The following EP400 variants were observed in gnomAD, a reference collection of about 807,000 sequenced individuals.
EP400 encodes the protein E1A-binding protein p400.
Under a neutral mutation model 354.1 loss-of-function variants are expected in EP400, and 105 were observed. The ratio of observed to expected loss-of-function variants is 0.30; its 90% CI spans 0.25 to 0.35. The LOEUF (loss-of-function observed/expected upper bound fraction) is 0.35. Ranked by LOEUF, EP400 falls within the 10% of genes least tolerant of loss-of-function variation. The pLI, the probability that EP400 is intolerant of heterozygous loss-of-function variation, is 1.00. For missense variants in EP400, 3,280 were observed against 4,121.0 expected (o/e 0.80, Z 5.59); for synonymous variants, 1,646 against 1,716.9 (o/e 0.96, Z 1.02).
chr12:132,016,535 A>AT lies in EP400; in HGVS notation c.3924-992dup, dbSNP rs375693195. Among the ~76,000 whole-genome samples the AT allele has an allele frequency of 1.3e-3, 192 of 151,340 alleles. 1 individual carries two copies. Among genetic ancestry groups the AT allele is most frequent in the African/African-American group, 4.0e-3 (164 of 41,262 alleles). On this transcript the variant is annotated intron_variant, in intron 19 of 52. Coordinates refer to ENST00000389561, the MANE Select transcript of EP400 (RefSeq NM_015409.5). ...AGGCATGTGCCACCACACCTGGCTA[A>AT]TTTTTTTTGCATTTTTAGTAGAGAC...
intron 30 of EP400, among the ~76,000 whole-genome samples, chr12:132,037,190 A>G (rs1162896653): frequency 6.6e-6 from 1 of 152,132 alleles, no homozygotes; most frequent in African/African-American, 2.4e-5. Context: ...TCTGCAGCTC[A>G]CGGTCGTAAT....
rs777236637 is a variant in EP400, at chr12:131,982,311, A to G, written c.1762A>G (p.Thr588Ala). 3.3e-5 allele frequency: 54 copies of G among 1,613,992 alleles called. 1 individual carries two copies. The highest frequency in any genetic ancestry group is 4.5e-5 in the Non-Finnish European group (53 of 1,180,034). ...AQQPQVVEAQ[T>A]QLQIPVKTQQ... ...GCAGCCGCAAGTGGTAGAGGCCCAG[A>G]CACAGCTCCAAATCCCGGTGAAGAC... Residue 588 changes from threonine (T) to alanine (A), a missense_variant, in exon 5 of 53, where the codon ACA (threonine) becomes GCA (alanine). Around this residue, in one of 20 missense-constraint regions of EP400, gnomAD observed 800 missense variants for 840.0 expected, o/e 0.95. Coordinates refer to ENST00000389561, the MANE Select transcript of EP400 (RefSeq NM_015409.5).
At chr12:131,976,514 C>T (rs930284161) in intron 2 of EP400, among the ~76,000 whole-genome samples, 1 of 152,180 alleles carries the variant, frequency 6.6e-6, no homozygotes, top group East Asian at 1.9e-4. Context: ...GAGTTTGAGA[C>T]CAGCCTGGCC....
chr12:132,015,030 C>CA (rs1380699426), intron 19 of EP400, among the ~76,000 whole-genome samples: 1 of 152,256 alleles, frequency 6.6e-6, no homozygotes, highest in Non-Finnish European at 1.5e-5. Flanking sequence ...CTCTGCTCTG[C>CA]AGCCAGAGGG....
Position 131,990,546 on chromosome 12 carries a change from T to G in EP400, c.2551-90T>G. 1.0e-6 allele frequency: 1 copy of G among 967,380 alleles called. No individual in the cohort carries two copies. Among genetic ancestry groups the G allele is most frequent in the South Asian group, 1.6e-5 (1 of 62,566 alleles). The allele number at this position is 967,380 out of a possible 1,614,324, so 59.9% of individuals were successfully genotyped here. A position where few individuals can be genotyped will look rare whatever the true frequency, so the allele number is the denominator to read the frequency against. On this transcript the variant is annotated intron_variant, in intron 8 of 52. Transcript: ENST00000389561. The surrounding 1 kb of genome is among the most constrained non-coding windows in gnomAD (Gnocchi z 4.2). Reference sequence around the variant, plus strand: ...AGGCTGGAAAACACTGTTTTCAGACTCTGCTTATGTGCTTTAGTGTTTTGT... The same window carrying G: ...AGGCTGGAAAACACTGTTTTCAGACGCTGCTTATGTGCTTTAGTGTTTTGT...
chr12:132,073,090 T>A (rs1356748060), intron 51 of EP400, among the ~76,000 whole-genome samples: 1 of 152,204 alleles, frequency 6.6e-6, no homozygotes, highest in Non-Finnish European at 1.5e-5. Context: ...GACTCTTACC[T>A]GAAACACGTG....
chr12:131,966,761 G>C (rs575511490), intron 2 of EP400, among the ~76,000 whole-genome samples: 92 of 151,398 alleles, frequency 6.1e-4, no homozygotes, highest in East Asian at 7.8e-4. Context: ...ACAATTAGCC[G>C]GGCATGGTGG....
chr12:131,963,053 C>A (rs1017770680), intron 2 of EP400, among the ~76,000 whole-genome samples: 5 of 152,172 alleles, frequency 3.3e-5, no homozygotes, highest in Non-Finnish European at 5.9e-5. Context: ...CCTCTATTGT[C>A]CTGAAATAGT....
chr12:132,062,042 C>A, intron 45 of EP400, 68 bp from the exon 46 acceptor site: 1 of 1,429,558 alleles, frequency 7.0e-7, no homozygotes. Flanking sequence ...GTCTTCCCTG[C>A]TCTGAGTGTG....
At chr12:131,954,962 A>G (rs1337540257) in intron 1 of EP400, among the ~76,000 whole-genome samples, 2 of 152,052 alleles carry the variant, frequency 1.3e-5, no homozygotes, top group Admixed American at 6.6e-5. Context: ...GGCAGAGGTT[A>G]CAGTGGGCCA....
At chr12:132,069,728 C>G in intron 51 of EP400, 87 bp downstream of exon 51, 1 of 1,562,276 alleles carries the variant, frequency 6.4e-7, no homozygotes, top group Non-Finnish European at 8.7e-7. Context: ...TGCGAGCTCC[C>G]AGCCCTTGCG....
chr12:131,990,534 C>A lies in EP400; in HGVS notation c.2551-102C>A. The A allele has an allele frequency of 1.2e-6, 1 of 867,186 alleles. No homozygotes were observed. The highest frequency in any genetic ancestry group is 1.7e-5 in the African/African-American group (1 of 59,332). 53.7% of individuals were successfully genotyped at this position (867,186 alleles called of 1,614,324 possible). On this transcript the variant is annotated intron_variant, in intron 8 of 52. Transcript: ENST00000389561. The surrounding 1 kb of genome is among the most constrained non-coding windows in gnomAD (Gnocchi z 4.2). ...ACCAAACTGACGAGGCTGGAAAACA[C>A]TGTTTTCAGACTCTGCTTATGTGCT...
At chr12:132,006,631 C>T in intron 14 of EP400, 69 bp from the exon 15 acceptor site, 1 of 1,453,742 alleles carries the variant, frequency 6.9e-7, no homozygotes, top group Non-Finnish European at 9.3e-7. Flanking sequence ...CTGTTGATTT[C>T]AGTTTTGAGA....
intron 5 of EP400, among the ~76,000 whole-genome samples, chr12:131,984,437 G>T (rs75493438): frequency 1.3e-5 from 2 of 152,242 alleles, no homozygotes; most frequent in Admixed American, 1.3e-4. Flanking sequence ...CAACTGGGGG[G>T]GCTGTAGTTG....
rs747431210 is a variant in EP400 at position 132,064,804 on chromosome 12, C to T, written c.8471C>T (p.Pro2824Leu). 2.3e-5 allele frequency: 37 copies of T among 1,612,816 alleles called. No homozygotes were observed. The highest frequency in any genetic ancestry group is 6.7e-5 in the East Asian group (3 of 44,882). Reference sequence around the variant, plus strand: ...TCGCAGCCGCCGCAGCAGCAGAGCCCCCAGCTCACGACGGTCACGGCCCCA... The same window carrying T: ...TCGCAGCCGCCGCAGCAGCAGAGCCTCCAGCTCACGACGGTCACGGCCCCA... ...QTSQPPQQQSPQLTTVTAPRP... is the reference protein window; with the variant it reads ...QTSQPPQQQSLQLTTVTAPRP... Residue 2824 changes from proline to leucine, a missense_variant, in exon 48 of 53, where the codon CCC (proline) becomes CTC (leucine). This residue lies in a region of EP400 where 86 missense variants were observed against 66.4 expected (regional missense o/e 1.29). Coordinates refer to ENST00000389561, the MANE Select transcript of EP400 (RefSeq NM_015409.5).
rs1242422469 is a variant in EP400, at chr12:131,981,547, A to G, written c.1494A>G (p.Pro498=). The change falls in exon 4 of 53, where the codon CCA becomes CCG. Residue 498 remains proline (P), a synonymous_variant. Transcript: ENST00000389561. ...VGHQGVVFQH[P]GADAGVPLQQ... is the part of the protein sequence containing the mutation. ...ACCAAGGGGTAGTTTTCCAGCACCC[A>G]GGGGCGGACGCAGGCGTTCCTCTCC... is the stretch of plus-strand genomic sequence containing the variant. 3.7e-6 allele frequency: 6 copies of G among 1,602,200 alleles called. No individual in the cohort carries two copies. The highest frequency in any genetic ancestry group is 1.7e-5 in the Admixed American group (1 of 58,150).
At chr12:131,963,778 T>G in intron 2 of EP400, 2 of 628,736 alleles carry the variant, frequency 3.2e-6, no homozygotes, top group South Asian at 4.2e-5. Flanking sequence ...CAGTAAAAAA[T>G]CTTCCTGCGT....
chr12:131,982,549 A>C, intron 5 of EP400, 71 bp downstream of exon 5: 1 of 1,504,336 alleles, frequency 6.6e-7, no homozygotes. Flanking sequence ...TGTTAGACAG[A>C]GTGTCACACC....
chr12:132,019,498 G>A (rs1324590531), intron 21 of EP400, among the ~76,000 whole-genome samples: 1 of 152,042 alleles, frequency 6.6e-6, no homozygotes, highest in Non-Finnish European at 1.5e-5. Flanking sequence ...GAGCCCAGGA[G>A]TTGGAGACCA....
Sources: allele counts gnomAD v4.1 joint callset (sites outside exome capture counted in the v4.1 genomes callset), GRCh38; gene constraint gnomAD v4.1.1; regional missense constraint gnomAD v4.1.1; non-coding constraint Gnocchi (gnomAD v3.1); transcripts MANE v1.5; gene names NCBI Gene and HGNC (gene_info 2026-07-23, HGNC 2026-07-21).